MAP4K3: variants seen among roughly 807,000 people sequenced by gnomAD.
MAP4K3 encodes MAPK/ERK kinase kinase kinase 3.
In MAP4K3, 94 loss-of-function variants were observed where a neutral mutation model predicts 143.5. That is an observed-to-expected ratio of 0.65 (90% CI 0.55 to 0.78). The LOEUF (loss-of-function observed/expected upper bound fraction) is 0.78. MAP4K3 is among the 30% of genes least tolerant of loss of function. MAP4K3 has a pLI of 0.00. For synonymous variants in MAP4K3, 416 were observed against 347.2 expected (o/e 1.20, Z -2.20); for missense variants, 1,077 against 1,068.1 (o/e 1.01, Z -0.12).
chr2:39,436,117 G>C (rs1444139202), intron 1 of MAP4K3, among the ~76,000 whole-genome samples: 1 of 152,172 alleles, frequency 6.6e-6, no homozygotes, highest in Non-Finnish European at 1.5e-5. Flanking sequence ...GCCAAGAGTT[G>C]AGTTGGCCAG....
At chr2:39,321,165 AAAAG>A (rs1404260051) in intron 12 of MAP4K3, among the ~76,000 whole-genome samples, 7 of 152,094 alleles carry the variant, frequency 4.6e-5, no homozygotes, top group Non-Finnish European at 8.8e-5. Flanking sequence ...TTCTGTGGGG[AAAAG>A]AAAGAGAGAT....
chr2:39,293,246 C>A lies in MAP4K3; in HGVS notation c.1201G>T (p.Glu401Ter). The change falls in exon 17 of 34, where the codon GAA (glutamate) becomes TAA (stop). Residue 401 changes from glutamate to a stop codon, truncating the protein, a stop_gained. Coordinates refer to ENST00000263881, the MANE Select transcript of MAP4K3 (RefSeq NM_003618.4). LOFTEE classifies it high-confidence loss of function. ...ANKSLLKSVE[E>*]ELHQRGHVAH... The stretch of plus-strand genomic sequence containing the variant: ...TAAAATTACCGCTGATGCAATTCTT[C>A]TTCAACAGACTTGAGAAGACTCCTT... 1 of 1,548,574 alleles carries A rather than the reference C, an allele frequency of 6.5e-7. No individual in the cohort carries two copies. Among genetic ancestry groups the A allele is most frequent in the Non-Finnish European group, 8.7e-7 (1 of 1,143,602 alleles).
intron 2 of MAP4K3, among the ~76,000 whole-genome samples, chr2:39,369,374 T>A (rs1430114604): frequency 2.6e-5 from 4 of 151,940 alleles, no homozygotes; most frequent in Non-Finnish European, 5.9e-5. Context: ...CGTGAACTCC[T>A]GACCTCAGCT....
Position 39,339,502 on chromosome 2 carries a change from G to C in MAP4K3, c.311-1921C>G, listed in dbSNP as rs917941040. Among the ~76,000 whole-genome samples, 31 of 152,180 alleles carry C rather than the reference G, an allele frequency of 2.0e-4. 1 individual carries two copies. The highest frequency in any genetic ancestry group is 7.5e-4 in the African/African-American group (31 of 41,438). On this transcript the variant is annotated intron_variant, in intron 4 of 33. Transcript: ENST00000263881. The stretch of plus-strand genomic sequence containing the variant: ...AAAACTGTGAAAGAATATTCTAGCT[G>C]TCTCTTAGGGGAAGGTTAATCCTGG...
chr2:39,437,100 A>C lies in MAP4K3; in HGVS notation c.-113T>G. 1.4e-6 allele frequency: 1 copy of C among 692,146 alleles called. No homozygotes were observed. Among genetic ancestry groups the C allele is most frequent in the Non-Finnish European group, 2.2e-6 (1 of 449,006 alleles). 42.9% of individuals were successfully genotyped at this position (692,146 alleles called of 1,614,324 possible). A position where few individuals can be genotyped will look rare whatever the true frequency, so the allele number is the denominator to read the frequency against. ...GCTCCCGGCTCCCCCGGCGGTCACA[A>C]TCACCCGGCTCCACGCTGCGGCCGC... On this transcript the variant is annotated 5_prime_UTR_variant, in exon 1 of 34. Coordinates refer to ENST00000263881, the MANE Select transcript of MAP4K3 (RefSeq NM_003618.4).
intron 13 of MAP4K3, among the ~76,000 whole-genome samples, chr2:39,313,389 C>A (rs560289178): frequency 6.6e-6 from 1 of 152,154 alleles, no homozygotes; most frequent in Non-Finnish European, 1.5e-5. Flanking sequence ...CACCCTCAAG[C>A]AGGCCCCAGT....
Position 39,258,567 on chromosome 2 carries a change from T to C in MAP4K3, c.2329A>G (p.Thr777Ala), listed in dbSNP as rs769841070. ...TCTCTCTCCAGTTGGGTTACATGAG[T>C]AACATTTGTCTGTGGGGTATCTACA... ...TESDTPQTNV[T>A]HVTQLERDTI... Residue 777 changes from threonine (T) to alanine (A), a missense_variant, in exon 30 of 34, where the codon ACT (threonine) becomes GCT (alanine). Thr to Ala is a moderately conservative substitution (Grantham distance 58, BLOSUM62 0). Coordinates refer to ENST00000263881, the MANE Select transcript of MAP4K3 (RefSeq NM_003618.4). 53 of 1,613,450 alleles carry C rather than the reference T, an allele frequency of 3.3e-5. No individual in the cohort carries two copies. In the Middle Eastern group the frequency reaches 1.2e-3, roughly 35 times the overall value.
At chr2:39,254,242 C>T (rs1394815542) in intron 32 of MAP4K3, among the ~76,000 whole-genome samples, 2 of 152,076 alleles carry the variant, frequency 1.3e-5, no homozygotes, top group Non-Finnish European at 2.9e-5. Flanking sequence ...TCTGGAAGCA[C>T]ATTAAATATG....
chr2:39,426,896 A>G (rs1665104756), intron 1 of MAP4K3, among the ~76,000 whole-genome samples: 1 of 152,150 alleles, frequency 6.6e-6, no homozygotes, highest in Admixed American at 6.5e-5. Context: ...GAAACAAGAA[A>G]GAGATAGGGG....
intron 1 of MAP4K3, among the ~76,000 whole-genome samples, chr2:39,395,984 TAAAA>T (rs1666794014): frequency 6.6e-6 from 1 of 152,192 alleles, no homozygotes; most frequent in Non-Finnish European, 1.5e-5. Context: ...ACTTAAATAT[TAAAA>T]TATCAGGAAA....
At chr2:39,317,951 T>C (rs941989378) in intron 12 of MAP4K3, among the ~76,000 whole-genome samples, 4 of 152,170 alleles carry the variant, frequency 2.6e-5, no homozygotes, top group Non-Finnish European at 4.4e-5. Context: ...ATGCACGTTA[T>C]GTTCATCGCA....
chr2:39,395,574 A>G (rs1666782559), intron 1 of MAP4K3, among the ~76,000 whole-genome samples: 1 of 152,208 alleles, frequency 6.6e-6, no homozygotes, highest in Non-Finnish European at 1.5e-5. Flanking sequence ...CTTCCTGCTT[A>G]CTGCTTTTGT....
intron 12 of MAP4K3, among the ~76,000 whole-genome samples, chr2:39,324,232 C>A (rs1481034360): frequency 6.6e-6 from 1 of 152,036 alleles, no homozygotes; most frequent in East Asian, 1.9e-4. Flanking sequence ...TGTGGTAAAA[C>A]CCCATCTCTA....
chr2:39,279,461 T>C (rs528243436), intron 23 of MAP4K3, among the ~76,000 whole-genome samples: 39 of 152,322 alleles, frequency 2.6e-4, no homozygotes, highest in African/African-American at 9.1e-4. Context: ...AATGTTCACG[T>C]ATAAATGTTC....
intron 3 of MAP4K3, among the ~76,000 whole-genome samples, chr2:39,348,769 G>A (rs1208984402): frequency 6.6e-6 from 1 of 152,042 alleles, no homozygotes. Context: ...AGTAGAGGGG[G>A]AAAAGTTAAC....
intron 8 of MAP4K3, 27 bp downstream of exon 8, chr2:39,331,890 A>C: frequency 7.0e-7 from 1 of 1,423,122 alleles, no homozygotes; most frequent in South Asian, 1.3e-5. Flanking sequence ...AGAACAAAGT[A>C]TTAAATATCA....
At position 39,354,227 on chromosome 2, in the gene MAP4K3, A is replaced by G. The variant is rs1001998472; in HGVS notation, c.245+2022T>C. 1.3e-5 allele frequency among the ~76,000 whole-genome samples: 2 copies of G among 152,022 alleles called. 1 individual carries two copies. Among genetic ancestry groups the G allele is most frequent in the East Asian group, 3.9e-4 (2 of 5,174 alleles). On this transcript the variant is annotated intron_variant, in intron 3 of 33. Transcript: ENST00000263881. ...GGGAGGCTGAGGTGGGTGGATCACG[A>G]GGTCAGGAGATCGAGATCATCCTGG...
chr2:39,342,806 ATTATT>A (rs553391112), intron 4 of MAP4K3, among the ~76,000 whole-genome samples: 21 of 152,274 alleles, frequency 1.4e-4, no homozygotes, highest in South Asian at 1.0e-3. Context: ...TTAAATAGAT[ATTATT>A]TTATTTTACA....
intron 12 of MAP4K3, among the ~76,000 whole-genome samples, chr2:39,318,876 G>A (rs889623025): frequency 2.6e-5 from 4 of 152,130 alleles, no homozygotes; most frequent in African/African-American, 9.7e-5. Flanking sequence ...GTTTGTACGG[G>A]AAGGAAAGAC....
Sources: allele counts gnomAD v4.1 joint callset (sites outside exome capture counted in the v4.1 genomes callset), GRCh38; gene constraint gnomAD v4.1.1; transcripts MANE v1.5; gene names NCBI Gene and HGNC (gene_info 2026-07-23, HGNC 2026-07-21).